LHPP: variants seen among roughly 807,000 people sequenced by gnomAD.
LHPP encodes the protein hLHPP.
In LHPP, 24 loss-of-function variants were observed where a neutral mutation model predicts 30.3. The ratio of observed to expected loss-of-function variants is 0.79; its 90% CI spans 0.57 to 1.11. The LOEUF is 1.11. Ranked by LOEUF, LHPP falls within the 50% of genes most tolerant of loss-of-function variation. LHPP has a pLI of 0.00. For synonymous variants in LHPP, 150 were observed against 157.1 expected, an observed-to-expected ratio of 0.95 and a Z score of 0.34; for missense variants, 356 against 367.2, an observed-to-expected ratio of 0.97 and a Z score of 0.25.
Position 124,590,100 on chromosome 10 carries a change from A to C in LHPP, c.717-23164A>C, listed in dbSNP as rs1004257238. On this transcript the variant is annotated intron_variant, in intron 6 of 6. Transcript: ENST00000368842. This position sits in a 1 kb window ranked among gnomAD's most constrained non-coding sequence, Gnocchi z 4.3. The stretch of plus-strand genomic sequence containing the variant: ...TTTTTATCCATCGTTCTTTCCAAAG[A>C]ATAGTGTGAACAGCTCATTCGATTC... Among the ~76,000 whole-genome samples the C allele has an allele frequency of 6.6e-6, 1 of 152,170 alleles. No individual in the cohort carries two copies. The highest frequency in any genetic ancestry group is 1.5e-5 in the Non-Finnish European group (1 of 68,040).
chr10:124,539,273 A>G (rs1413742384), intron 6 of LHPP, among the ~76,000 whole-genome samples: 1 of 152,190 alleles, frequency 6.6e-6, no homozygotes, highest in Non-Finnish European at 1.5e-5. Context: ...GAGCCACTCG[A>G]GCACCCAAGG....
At chr10:124,582,572 C>T (rs11245304) in intron 6 of LHPP, among the ~76,000 whole-genome samples, 13,913 of 152,148 alleles carry the variant, frequency 0.091, 747 homozygotes, top group Admixed American at 0.15. Flanking sequence ...CTTTGACTTC[C>T]CCAAAATTTA....
At position 124,517,985 on chromosome 10, in the gene LHPP, G is replaced by C. The variant is rs180913826; in HGVS notation, c.716+714G>C. Among the ~76,000 whole-genome samples, 2 of 152,324 alleles carry C rather than the reference G, an allele frequency of 1.3e-5. No homozygotes were observed. Among genetic ancestry groups the C allele is most frequent in the African/African-American group, 2.4e-5 (1 of 41,576 alleles). On this transcript the variant is annotated intron_variant, in intron 6 of 6. Transcript: ENST00000368842. This position sits in a 1 kb window ranked among gnomAD's most constrained non-coding sequence, Gnocchi z 4.1. ...ATCTTTGCAGATGCTGGGGAGACTT[G>C]GTTGAAACATGGTTACCTGGAGGTA...
intron 6 of LHPP, among the ~76,000 whole-genome samples, chr10:124,529,379 T>C (rs182324900): frequency 1.2e-3 from 175 of 152,132 alleles, no homozygotes; most frequent in Middle Eastern, 3.4e-3. Flanking sequence ...AACCAACCCA[T>C]GCACCCACCA....
At chr10:124,578,417 G>A (rs550992442) in intron 6 of LHPP, among the ~76,000 whole-genome samples, 19 of 152,296 alleles carry the variant, frequency 1.2e-4, no homozygotes, top group Non-Finnish European at 2.5e-4. Flanking sequence ...GTCCTTCTCC[G>A]ATCTGCTCAC....
intron 6 of LHPP, among the ~76,000 whole-genome samples, chr10:124,601,824 C>G (rs548888354): frequency 1.3e-5 from 2 of 152,256 alleles, no homozygotes; most frequent in African/African-American, 4.8e-5. Flanking sequence ...CCTGGCTCCC[C>G]GGGTCCTGTT....
rs1344941526 is a variant in LHPP, at chr10:124,592,977, C to T, written c.717-20287C>T. 6.6e-6 allele frequency among the ~76,000 whole-genome samples: 1 copy of T among 152,206 alleles called. No homozygotes were observed. Among genetic ancestry groups the T allele is most frequent in the South Asian group, 2.1e-4 (1 of 4,830 alleles). On this transcript the variant is annotated intron_variant, in intron 6 of 6. Coordinates refer to ENST00000368842, the MANE Select transcript of LHPP (RefSeq NM_022126.4). The surrounding 1 kb of genome is among the most constrained non-coding windows in gnomAD (Gnocchi z 6.2). ...ATGGACCCTCACTGGGCCGCTTTGACAGTTTATGAGGTGATGACGTTGCAG... is the reference window on the plus strand; with the variant it reads ...ATGGACCCTCACTGGGCCGCTTTGATAGTTTATGAGGTGATGACGTTGCAG...
intron 5 of LHPP, chr10:124,498,373 C>T: frequency 6.4e-7 from 1 of 1,557,278 alleles, no homozygotes; most frequent in South Asian, 1.2e-5. Context: ...TGCGGCTTTT[C>T]CTGAGTTTTT....
chr10:124,584,250 A>T (rs1015144619), intron 6 of LHPP, among the ~76,000 whole-genome samples: 4 of 151,840 alleles, frequency 2.6e-5, no homozygotes, highest in South Asian at 4.2e-4. Flanking sequence ...CTGTAGTCTC[A>T]GCTACTCAGG....
intron 6 of LHPP, among the ~76,000 whole-genome samples, chr10:124,565,955 G>A (rs952937027): frequency 1.4e-4 from 21 of 152,242 alleles, no homozygotes; most frequent in Non-Finnish European, 8.8e-5. Flanking sequence ...AAAGCAGAGC[G>A]GAGAGTGCCC....
intron 5 of LHPP, among the ~76,000 whole-genome samples, chr10:124,511,835 C>T (rs1954307269): frequency 1.3e-5 from 2 of 152,190 alleles, no homozygotes; most frequent in Admixed American, 1.3e-4. Flanking sequence ...TTCTGGAATT[C>T]ACAGCATGGC....
At chr10:124,560,369 GAGA>G (rs1948376070) in intron 6 of LHPP, among the ~76,000 whole-genome samples, 3 of 152,100 alleles carry the variant, frequency 2.0e-5, no homozygotes, top group Non-Finnish European at 4.4e-5. Context: ...AAACATAATT[GAGA>G]TTGTGTTTTA....
chr10:124,489,792 T>G, intron 3 of LHPP: 1 of 195,590 alleles, frequency 5.1e-6, no homozygotes, highest in Non-Finnish European at 1.0e-5. Flanking sequence ...TGCTTATAAG[T>G]TTATTCAATG....
chr10:124,598,290 G>A (rs748643304), intron 6 of LHPP, among the ~76,000 whole-genome samples: 22 of 152,238 alleles, frequency 1.4e-4, no homozygotes, highest in Middle Eastern at 3.2e-3. Context: ...AGGGGCTTCC[G>A]CTTCTCTGTC....
At chr10:124,549,946 G>A (rs1315378067) in intron 6 of LHPP, among the ~76,000 whole-genome samples, 1 of 152,252 alleles carries the variant, frequency 6.6e-6, no homozygotes, top group Non-Finnish European at 1.5e-5. Flanking sequence ...CACCTGGCAT[G>A]GTAATCGGTG....
intron 1 of LHPP, among the ~76,000 whole-genome samples, chr10:124,472,470 T>C (rs577319401): frequency 6.6e-6 from 1 of 152,224 alleles, no homozygotes; most frequent in Non-Finnish European, 1.5e-5. Context: ...AAAGAATGAC[T>C]TCGCTCTGTT....
intron 6 of LHPP, among the ~76,000 whole-genome samples, chr10:124,603,793 G>A (rs1271886572): frequency 1.3e-5 from 2 of 152,222 alleles, no homozygotes; most frequent in African/African-American, 2.4e-5. Flanking sequence ...CCCACGCTGG[G>A]CTCCGGGGCT....
rs191866574 is a variant in LHPP at position 124,585,199 on chromosome 10, A to T, written c.717-28065A>T. On this transcript the variant is annotated intron_variant, in intron 6 of 6. Coordinates refer to ENST00000368842, the MANE Select transcript of LHPP (RefSeq NM_022126.4). ...AACTATAATATAATACAAACAATATAAGCTAAAATATAAAATTTGCACTTC... is the reference window on the plus strand; with the variant it reads ...AACTATAATATAATACAAACAATATTAGCTAAAATATAAAATTTGCACTTC... 2.0e-3 allele frequency among the ~76,000 whole-genome samples: 302 copies of T among 152,348 alleles called. 1 individual carries two copies. Among genetic ancestry groups the T allele is most frequent in the Non-Finnish European group, 2.6e-3 (180 of 68,032 alleles).
intron 1 of LHPP, 55 bp from the exon 2 acceptor site, chr10:124,484,084 A>G: frequency 1.3e-6 from 2 of 1,558,812 alleles, no homozygotes; most frequent in Non-Finnish European, 1.8e-6. Context: ...AACCTCCTTC[A>G]GAGGCCCAAC....
Sources: allele counts gnomAD v4.1 joint callset (sites outside exome capture counted in the v4.1 genomes callset), GRCh38; gene constraint gnomAD v4.1.1; non-coding constraint Gnocchi (gnomAD v3.1); transcripts MANE v1.5; gene names NCBI Gene and HGNC (gene_info 2026-07-23, HGNC 2026-07-21).